Variants in TRPM1 observed in about 807,000 individuals in gnomAD.
TRPM1 encodes the protein TRPM1-203 APA Isoform, Intron 10.
Under a neutral mutation model 149.4 loss-of-function variants are expected in TRPM1, and 113 were observed. The observed-to-expected ratio is 0.76, with a 90% CI of 0.65 to 0.88. The LOEUF (loss-of-function observed/expected upper bound fraction) is 0.88, where lower values mean the gene tolerates loss of function less well. Ranked by LOEUF, TRPM1 falls within the 40% of genes least tolerant of loss-of-function variation. The probability of loss-of-function intolerance (pLI) is 0.00; values close to 1 mark genes in which losing one functional copy is unlikely to be tolerated. For missense variants in TRPM1, 1,976 were observed against 2,038.7 expected, an observed-to-expected ratio of 0.97 and a Z score of 0.59; for synonymous variants, 741 against 759.5, an observed-to-expected ratio of 0.98 and a Z score of 0.40.
chr15:31,069,822 C>T, intron 4 of TRPM1: 3 of 1,514,520 alleles, frequency 2.0e-6, no homozygotes, highest in South Asian at 1.3e-5. Flanking sequence ...TTACGGGACA[C>T]TAGATGTTCT....
chr15:31,033,167 C>T (rs1398931578), intron 21 of TRPM1, among the ~76,000 whole-genome samples: 2 of 152,152 alleles, frequency 1.3e-5, no homozygotes, highest in African/African-American at 2.4e-5. Context: ...CAGGAAATGC[C>T]TTCTAAATTA....
At chr15:31,130,000 G>A (rs1283629356) in intron 1 of TRPM1, among the ~76,000 whole-genome samples, 1 of 152,236 alleles carries the variant, frequency 6.6e-6, no homozygotes, top group East Asian at 1.9e-4. Flanking sequence ...GTCCTGGGCA[G>A]GGCTGGTCTT....
chr15:31,083,871 G>A (rs2034927206), intron 1 of TRPM1, among the ~76,000 whole-genome samples: 1 of 152,174 alleles, frequency 6.6e-6, no homozygotes, highest in East Asian at 1.9e-4. Flanking sequence ...TGCAAAATGA[G>A]GACAATGATA....
intron 27 of TRPM1, among the ~76,000 whole-genome samples, chr15:31,006,878 G>A (rs2032009462): frequency 6.6e-6 from 1 of 152,118 alleles, no homozygotes; most frequent in African/African-American, 2.4e-5. Context: ...AGCTAATGAT[G>A]TTGAGCATCT....
At chr15:31,138,273 C>G (rs1343569955) in intron 1 of TRPM1, among the ~76,000 whole-genome samples, 1 of 152,058 alleles carries the variant, frequency 6.6e-6, no homozygotes, top group Non-Finnish European at 1.5e-5. Flanking sequence ...CCTGCCAGCC[C>G]TCTGACAATC....
At chr15:31,026,387 G>T in intron 26 of TRPM1, 116 bp from the exon 27 acceptor site, 1 of 1,283,978 alleles carries the variant, frequency 7.8e-7, no homozygotes, top group Non-Finnish European at 1.1e-6. Context: ...CACTCCTAAG[G>T]CAGTTCGCCA....
chr15:31,034,146 G>A (rs1393565058), intron 21 of TRPM1, among the ~76,000 whole-genome samples: 2 of 152,102 alleles, frequency 1.3e-5, no homozygotes, highest in African/African-American at 2.4e-5. Flanking sequence ...CTCTTTATAA[G>A]CAAATTTAGT....
At chr15:31,042,264 T>C in intron 16 of TRPM1, 21 bp from the exon 17 acceptor site, 1 of 1,554,268 alleles carries the variant, frequency 6.4e-7, no homozygotes, top group Non-Finnish European at 8.7e-7. Context: ...AAACATGGAT[T>C]TCATGGTTTT....
intron 11 of TRPM1, among the ~76,000 whole-genome samples, chr15:31,055,994 G>T (rs1349672560): frequency 6.6e-6 from 1 of 152,192 alleles, no homozygotes; most frequent in Non-Finnish European, 1.5e-5. Flanking sequence ...GCATCTGTGA[G>T]ATGAAAATAG....
chr15:31,072,312 C>T (rs2034581131), intron 3 of TRPM1, among the ~76,000 whole-genome samples: 2 of 151,978 alleles, frequency 1.3e-5, no homozygotes, highest in Non-Finnish European at 1.5e-5. Flanking sequence ...AGCTTCTTAG[C>T]ATGTTTTCAA....
At chr15:31,074,047 C>G (rs768274323) in intron 3 of TRPM1, among the ~76,000 whole-genome samples, 6 of 151,072 alleles carry the variant, frequency 4.0e-5, no homozygotes, top group Admixed American at 1.3e-4. Flanking sequence ...TGGGATAAAC[C>G]CTGCTTGGTC....
chr15:31,088,571 G>T (rs1160845964), intron 1 of TRPM1, among the ~76,000 whole-genome samples: 14 of 152,206 alleles, frequency 9.2e-5, no homozygotes, highest in Admixed American at 9.2e-4. Flanking sequence ...CGGCTTCACT[G>T]CTGAAGTGAG....
intron 27 of TRPM1, among the ~76,000 whole-genome samples, chr15:31,011,643 CTACTT>C (rs2032186673): frequency 2.0e-5 from 3 of 149,456 alleles, no homozygotes; most frequent in Non-Finnish European, 4.4e-5. Context: ...TTATAACAGT[CTACTT>C]TAATTTAATG....
Position 31,042,234 on chromosome 15 carries a change from G to T in TRPM1, c.1804C>A (p.Pro602Thr). 2 of 1,577,240 alleles carry T rather than the reference G, an allele frequency of 1.3e-6. No individual in the cohort carries two copies. Among genetic ancestry groups the T allele is most frequent in the Non-Finnish European group, 1.7e-6 (2 of 1,161,486 alleles). Residue 602 changes from proline to threonine, a missense_variant, in exon 17 of 28, where the codon CCT (proline) becomes ACT (threonine). Pro to Thr is a conservative substitution (Grantham distance 38, BLOSUM62 -1). Coordinates refer to ENST00000256552, the MANE Select transcript of TRPM1 (RefSeq NM_001252024.2). ...LKLLGMEDDE[P>T]PAKGKKKKKK... ...TTCTTTTTCTTCCCTTTAGCTGGAG[G>T]CTCATCATCCTGAGGGGAGAAACAT...
At chr15:31,067,560 G>C (rs2034414564) in intron 5 of TRPM1, among the ~76,000 whole-genome samples, 1 of 152,044 alleles carries the variant, frequency 6.6e-6, no homozygotes, top group South Asian at 2.1e-4. Context: ...TCAGTTTCCT[G>C]TCCTATAACA....
chr15:31,101,913 G>A (rs1040316931), upstream of TRPM1, among the ~76,000 whole-genome samples: 1 of 152,276 alleles, frequency 6.6e-6, no homozygotes, highest in Non-Finnish European at 1.5e-5. Flanking sequence ...GGCAGCCTTA[G>A]GATGTGAGAG....
At chr15:31,113,596 T>C (rs1173768473) in intron 1 of TRPM1, among the ~76,000 whole-genome samples, 3 of 152,224 alleles carry the variant, frequency 2.0e-5, no homozygotes, top group Non-Finnish European at 4.4e-5. Flanking sequence ...TGCAGGTTTG[T>C]TACACAAGTA....
At chr15:31,155,306 G>A (rs1368401552) in intron 1 of TRPM1, among the ~76,000 whole-genome samples, 1 of 152,216 alleles carries the variant, frequency 6.6e-6, no homozygotes, top group African/African-American at 2.4e-5. Context: ...TTGCTCTGAA[G>A]AGTGGGAGAC....
chr15:31,131,420 A>G (rs573614143), intron 1 of TRPM1, among the ~76,000 whole-genome samples: 2 of 152,312 alleles, frequency 1.3e-5, no homozygotes, highest in African/African-American at 4.8e-5. Context: ...CGAATCTTCT[A>G]TGTGTGAAAT....
Sources: gnomAD v4.1 joint callset for allele counts (sites outside exome capture counted in the v4.1 genomes callset) on GRCh38, gnomAD v4.1.1 for gene constraint, MANE v1.5 for transcripts, NCBI Gene and HGNC (gene_info 2026-07-23, HGNC 2026-07-21) for gene names.